NPFFR2: variants seen among roughly 807,000 people sequenced by gnomAD.
NPFFR2 encodes the protein G-protein coupled receptor 74.
NPFFR2 carries 15 observed loss-of-function variants against 13.1 expected under a neutral mutation model. The ratio of observed to expected loss-of-function variants is 1.15; its 90% CI spans 0.77 to 1.76. The LOEUF is 1.76. NPFFR2 is among the 40% of genes most tolerant of loss of function. The probability of loss-of-function intolerance (pLI) is 0.00; values close to 1 mark genes in which losing one functional copy is unlikely to be tolerated. For synonymous variants in NPFFR2, 190 were observed against 175.7 expected, an observed-to-expected ratio of 1.08 and a Z score of -0.65; for missense variants, 572 against 503.5, an observed-to-expected ratio of 1.14 and a Z score of -1.30.
chr4:72,105,835 A>C (rs570816432), intron 1 of NPFFR2, among the ~76,000 whole-genome samples: 1 of 152,198 alleles, frequency 6.6e-6, no homozygotes, highest in Admixed American at 6.6e-5. Flanking sequence ...ATGCTAGACT[A>C]TTCCTAGATA....
At chr4:72,050,422 C>T (rs185480083) in intron 1 of NPFFR2, among the ~76,000 whole-genome samples, 3 of 152,044 alleles carry the variant, frequency 2.0e-5, no homozygotes, top group East Asian at 3.9e-4. Flanking sequence ...CTTCATTATA[C>T]ACTCCTCCCT....
intron 1 of NPFFR2, among the ~76,000 whole-genome samples, chr4:72,065,507 C>A (rs1438565963): frequency 6.6e-6 from 1 of 152,032 alleles, no homozygotes; most frequent in Non-Finnish European, 1.5e-5. Flanking sequence ...AAAAGAAACT[C>A]CTGATCATAT....
At chr4:72,146,684 T>A (rs1441390400) in intron 3 of NPFFR2, 1 of 311,696 alleles carries the variant, frequency 3.2e-6, no homozygotes, top group African/African-American at 2.2e-5. Flanking sequence ...AAAGAGACGG[T>A]CCATGCAAAT....
At chr4:72,048,336 G>T (rs1203572759) in intron 1 of NPFFR2, among the ~76,000 whole-genome samples, 3 of 152,022 alleles carry the variant, frequency 2.0e-5, no homozygotes, top group Non-Finnish European at 4.4e-5. Flanking sequence ...GGGGTAATTT[G>T]GGTTTTTGGT....
intron 1 of NPFFR2, among the ~76,000 whole-genome samples, chr4:72,110,107 A>G (rs2109818162): frequency 6.6e-6 from 1 of 152,042 alleles, no homozygotes; most frequent in Non-Finnish European, 1.5e-5. Flanking sequence ...AGTCCCCACA[A>G]GTCATGGGAG....
At chr4:72,098,665 A>T (rs74984416) in intron 1 of NPFFR2, among the ~76,000 whole-genome samples, 4,419 of 152,174 alleles carry the variant, frequency 0.029, 174 homozygotes, top group African/African-American at 0.09. Flanking sequence ...TGCTTCATCC[A>T]AGTTGGAGGT....
At position 72,032,013 on chromosome 4, in the gene NPFFR2, C is replaced by T. The variant is rs371571027; in HGVS notation, c.-195C>T. ...GGAGCGCAGAGCACTCAGCGTCCAG[C>T]AGCGCGGCGGGCCAGCCTGGAGCGG... On this transcript the variant is annotated 5_prime_UTR_variant, in exon 1 of 4. Coordinates refer to ENST00000308744, the MANE Select transcript of NPFFR2 (RefSeq NM_004885.3). 2 of 1,613,804 alleles carry T rather than the reference C, an allele frequency of 1.2e-6. No individual in the cohort carries two copies. The highest frequency in any genetic ancestry group is 2.2e-5 in the South Asian group (2 of 91,018).
chr4:72,052,771 T>G (rs1055199694), intron 1 of NPFFR2, among the ~76,000 whole-genome samples: 1 of 151,964 alleles, frequency 6.6e-6, no homozygotes, highest in African/African-American at 2.4e-5. Flanking sequence ...TAAGAAACAT[T>G]TACAATCTAT....
At chr4:72,036,918 A>G (rs577466949) in intron 1 of NPFFR2, among the ~76,000 whole-genome samples, 1 of 152,324 alleles carries the variant, frequency 6.6e-6, no homozygotes, top group East Asian at 1.9e-4. Flanking sequence ...TATGATTCTC[A>G]TATCTTGGGA....
chr4:72,096,572 C>T (rs983877182), intron 1 of NPFFR2, among the ~76,000 whole-genome samples: 7 of 151,922 alleles, frequency 4.6e-5, no homozygotes, highest in African/African-American at 9.7e-5. Flanking sequence ...AAATTCTTTT[C>T]GAGCATCTAC....
intron 1 of NPFFR2, among the ~76,000 whole-genome samples, chr4:72,079,679 A>T (rs370625795): frequency 6.6e-6 from 1 of 152,202 alleles, no homozygotes; most frequent in South Asian, 2.1e-4. Context: ...CAAACCATAG[A>T]TAGGGGGACA....
rs1366923423 is a variant in NPFFR2, at chr4:72,147,674, A to G, written c.1125A>G (p.Thr375=). 6 of 1,614,158 alleles carry G rather than the reference A, an allele frequency of 3.7e-6. No homozygotes were observed. Among genetic ancestry groups the G allele is most frequent in the Non-Finnish European group, 5.1e-6 (6 of 1,180,030 alleles). The change falls in exon 4 of 4, where the codon ACA becomes ACG. Residue 375 remains threonine, a synonymous_variant. Coordinates refer to ENST00000308744, the MANE Select transcript of NPFFR2 (RefSeq NM_004885.3). ...LKAKSHVLIN[T]SNQLVQESTF... is the part of the protein sequence containing the mutation. ...CTAAAAGCCATGTGCTCATAAACAC[A>G]TCTAATCAGCTTGTCCAGGAATCTA...
At chr4:72,145,208 A>T (rs1362814918) in intron 3 of NPFFR2, among the ~76,000 whole-genome samples, 1 of 150,570 alleles carries the variant, frequency 6.6e-6, no homozygotes, top group Non-Finnish European at 1.5e-5. Flanking sequence ...GTTTACAAAT[A>T]TATAAGTATA....
intron 1 of NPFFR2, among the ~76,000 whole-genome samples, chr4:72,034,031 T>C (rs183089612): frequency 1.0e-3 from 154 of 152,294 alleles, no homozygotes; most frequent in African/African-American, 3.5e-3. Context: ...AGCTGTAACA[T>C]GGAACACAAA....
chr4:72,142,407 C>T (rs1037394795), intron 3 of NPFFR2, among the ~76,000 whole-genome samples: 3 of 152,178 alleles, frequency 2.0e-5, no homozygotes, highest in African/African-American at 7.2e-5. Context: ...ATGCCCCGTC[C>T]TGCTTTGGCT....
chr4:72,045,975 A>G (rs1245634185), intron 1 of NPFFR2, among the ~76,000 whole-genome samples: 3 of 152,162 alleles, frequency 2.0e-5, no homozygotes, highest in Non-Finnish European at 4.4e-5. Flanking sequence ...ATGCATAAGG[A>G]GATATATATA....
At chr4:72,124,830 C>T (rs1721989616) in intron 1 of NPFFR2, among the ~76,000 whole-genome samples, 1 of 152,092 alleles carries the variant, frequency 6.6e-6, no homozygotes, top group Non-Finnish European at 1.5e-5. Flanking sequence ...TAGAAGAAAA[C>T]CTAGGCAATA....
At chr4:72,052,998 A>G (rs199897513) in intron 1 of NPFFR2, among the ~76,000 whole-genome samples, 25 of 151,964 alleles carry the variant, frequency 1.6e-4, no homozygotes, top group East Asian at 1.9e-4. Context: ...TTTCTGGACC[A>G]GCCAGTGTAC....
At chr4:72,138,385 A>G (rs937041543) in intron 3 of NPFFR2, among the ~76,000 whole-genome samples, 2 of 151,918 alleles carry the variant, frequency 1.3e-5, no homozygotes, top group African/African-American at 4.8e-5. Flanking sequence ...TACATTAGGT[A>G]TTTCTCCTAA....
Sources: allele counts gnomAD v4.1 joint callset (sites outside exome capture counted in the v4.1 genomes callset), GRCh38; gene constraint gnomAD v4.1.1; transcripts MANE v1.5; gene names NCBI Gene and HGNC (gene_info 2026-07-23, HGNC 2026-07-21).